SHQ1: variants seen among roughly 807,000 people sequenced by gnomAD.
SHQ1 encodes the protein protein SHQ1 homolog.
Under a neutral mutation model 53.8 loss-of-function variants are expected in SHQ1, and 49 were observed. The ratio of observed to expected loss-of-function variants is 0.91; its 90% CI spans 0.72 to 1.16. The LOEUF (loss-of-function observed/expected upper bound fraction) is 1.16. Ranked by LOEUF, SHQ1 falls within the 50% of genes most tolerant of loss-of-function variation. The probability of loss-of-function intolerance (pLI) is 0.00; values close to 1 mark genes in which losing one functional copy is unlikely to be tolerated. For synonymous variants in SHQ1, 243 were observed against 251.0 expected, an observed-to-expected ratio of 0.97 and a Z score of 0.30; for missense variants, 738 against 683.1, an observed-to-expected ratio of 1.08 and a Z score of -0.90.
At chr3:72,733,956 G>C in the SHQ1 span, among the ~76,000 whole-genome samples, 6 of 151,474 alleles carry the variant, frequency 4.0e-5, 1 homozygote, top group African/African-American at 1.5e-4. Flanking sequence ...GATCACTTGA[G>C]CCCAGGAGTT....
intron 10 of SHQ1, among the ~76,000 whole-genome samples, chr3:72,767,207 A>C (rs1224047760): frequency 6.6e-6 from 1 of 152,172 alleles, no homozygotes; most frequent in East Asian, 1.9e-4. Context: ...TCAGAAACAT[A>C]AGCAGGTTGA....
downstream of SHQ1, among the ~76,000 whole-genome samples, chr3:72,745,165 T>C (rs1275521999): frequency 1.3e-5 from 2 of 152,054 alleles, no homozygotes; most frequent in Non-Finnish European, 2.9e-5. Context: ...TTTTAAATAA[T>C]TTTATAAAGT....
the SHQ1 span, among the ~76,000 whole-genome samples, chr3:72,742,199 T>TA: frequency 0.068 from 8,425 of 124,026 alleles, 426 homozygotes; most frequent in African/African-American, 0.16. Context: ...CCCTATCTCT[T>TA]AAAAAAAAAA....
chr3:72,803,074 G>T (rs985803329), intron 9 of SHQ1, among the ~76,000 whole-genome samples: 3 of 152,190 alleles, frequency 2.0e-5, no homozygotes, highest in African/African-American at 7.2e-5. Context: ...GCAGGTCCAA[G>T]AGGGTATGAG....
At chr3:72,788,567 G>A (rs952346566) in intron 10 of SHQ1, among the ~76,000 whole-genome samples, 4 of 152,146 alleles carry the variant, frequency 2.6e-5, no homozygotes, top group African/African-American at 9.7e-5. Flanking sequence ...CCGCCACCCC[G>A]TCTGGGAGGT....
In SHQ1 at chr3:72,788,498, TA is replaced by T. The variant is rs1252674619; in HGVS notation, c.1181+4417del. Among the ~76,000 whole-genome samples, 35 of 148,296 alleles carry T rather than the reference TA, an allele frequency of 2.4e-4. No homozygotes were observed. The East Asian group carries it at 2.6e-3, about 11-fold the overall frequency. ...CCCGGCAGCCGCCGCGTCCGGGAGG[TA>T]GGGGGGGCGCCTCTGCCCTGCCGCC... On this transcript the variant is annotated intron_variant, in intron 10 of 10. Transcript: ENST00000325599.
chr3:72,742,833 G>A, the SHQ1 span, among the ~76,000 whole-genome samples: 1 of 152,142 alleles, frequency 6.6e-6, no homozygotes, highest in East Asian at 1.9e-4. Flanking sequence ...TGCCATGTTG[G>A]CCAGGCTGGT....
At chr3:72,771,545 T>C (rs1705851723) in intron 10 of SHQ1, among the ~76,000 whole-genome samples, 2 of 152,188 alleles carry the variant, frequency 1.3e-5, no homozygotes, top group Non-Finnish European at 1.5e-5. Context: ...CAAAGTAATA[T>C]TCACAAAAAC....
At chr3:72,833,499 TAGAC>T (rs58448242) in intron 4 of SHQ1, among the ~76,000 whole-genome samples, 1,235 of 37,370 alleles carry the variant, frequency 0.033, 10 homozygotes, top group South Asian at 0.076. Context: ...GATAGATAGA[TAGAC>T]AGACAGACAG....
At chr3:72,841,574 T>C (rs1023995106) in intron 3 of SHQ1, among the ~76,000 whole-genome samples, 3 of 152,186 alleles carry the variant, frequency 2.0e-5, no homozygotes, top group African/African-American at 7.2e-5. Context: ...GGCAAAGTAA[T>C]GGAAGAATAC....
chr3:72,739,851 TAAG>T, the SHQ1 span, among the ~76,000 whole-genome samples: 3 of 152,120 alleles, frequency 2.0e-5, no homozygotes, highest in South Asian at 2.1e-4. Flanking sequence ...AGTGTAAGCT[TAAG>T]AAGGTGTGGA....
the SHQ1 span, among the ~76,000 whole-genome samples, chr3:72,729,733 A>G: frequency 2.6e-5 from 4 of 152,236 alleles, no homozygotes; most frequent in Non-Finnish European, 5.9e-5. Flanking sequence ...ACAGTGAAGG[A>G]ATTACTACTC....
chr3:72,762,687 T>C (rs964254185), intron 10 of SHQ1, among the ~76,000 whole-genome samples: 2 of 152,134 alleles, frequency 1.3e-5, no homozygotes, highest in South Asian at 2.1e-4. Context: ...TCCAGTTTTT[T>C]TTCTTGAGAC....
At chr3:72,775,271 A>G (rs1311223723) in intron 10 of SHQ1, among the ~76,000 whole-genome samples, 1 of 152,110 alleles carries the variant, frequency 6.6e-6, no homozygotes, top group Non-Finnish European at 1.5e-5. Context: ...GATAAAACAG[A>G]TAAGAGCAAA....
chr3:72,773,476 G>C, intron 10 of SHQ1: 2 of 226,800 alleles, frequency 8.8e-6, no homozygotes, highest in Admixed American at 6.0e-5. Flanking sequence ...ACCTCATAAA[G>C]ACAGCTTAAA....
At chr3:72,747,707 G>T (rs1426334300), downstream of SHQ1, among the ~76,000 whole-genome samples, 1 of 152,226 alleles carries the variant, frequency 6.6e-6, no homozygotes, top group Admixed American at 6.5e-5. Context: ...ATGAGAGGGG[G>T]CTGGGTGCGG....
rs528520548 is a variant in SHQ1, at chr3:72,814,481, G to A, written c.936+869C>T. 2.6e-5 allele frequency: 4 copies of A among 152,338 alleles called. No individual in the cohort carries two copies. The East Asian group carries it at 7.7e-4, about 29-fold the overall frequency. 9.4% of individuals were successfully genotyped at this position (152,338 alleles called of 1,614,324 possible). A position where few individuals can be genotyped will look rare whatever the true frequency, so the allele number is the denominator to read the frequency against. ...CCCAGCTGAAGCTGCTGGTCAGGTT[G>A]TTGGTCCTTGAATCATTTTTGGAGT... On this transcript the variant is annotated intron_variant, in intron 8 of 10. Transcript: ENST00000325599.
intron 4 of SHQ1, among the ~76,000 whole-genome samples, chr3:72,837,016 G>A (rs1288023789): frequency 3.3e-5 from 5 of 152,184 alleles, no homozygotes; most frequent in Non-Finnish European, 5.9e-5. Flanking sequence ...AAAAGGACAG[G>A]GCCAGCAAGC....
rs977580644 is a variant in SHQ1, at chr3:72,815,465, A to G, written c.883-62T>C. 8 of 1,273,674 alleles carry G rather than the reference A, an allele frequency of 6.3e-6. No homozygotes were observed. In the African/African-American group the frequency reaches 1.0e-4, roughly 16 times the overall value. The allele number at this position is 1,273,674 out of a possible 1,614,324, so 78.9% of individuals were successfully genotyped here. The stretch of plus-strand genomic sequence containing the variant: ...AGAGGTGAAGTCATTTAAATAGACC[A>G]AACAAATCCATTTATTCAACCAGTG... On this transcript the variant is annotated intron_variant, in intron 7 of 10. Coordinates refer to ENST00000325599, the MANE Select transcript of SHQ1 (RefSeq NM_018130.3).
Sources: gnomAD v4.1 joint callset for allele counts (sites outside exome capture counted in the v4.1 genomes callset) on GRCh38, gnomAD v4.1.1 for gene constraint, MANE v1.5 for transcripts, NCBI Gene and HGNC (gene_info 2026-07-23, HGNC 2026-07-21) for gene names.